LTBP1: variants seen among roughly 807,000 people sequenced by gnomAD.
LTBP1 encodes the protein latent-transforming growth factor beta-binding protein 1.
A neutral mutation model predicts 207.6 loss-of-function variants in LTBP1; 129 were observed. The observed-to-expected ratio is 0.62, with a 90% CI of 0.54 to 0.72. The LOEUF is 0.72. Among genes scored for constraint, LTBP1 ranks in the 30% least tolerant of loss-of-function variants. The pLI, the probability that LTBP1 is intolerant of heterozygous loss-of-function variation, is 0.00. For synonymous variants in LTBP1, 963 were observed against 833.7 expected, an observed-to-expected ratio of 1.16 and a Z score of -2.67; for missense variants, 2,281 against 2,217.2, an observed-to-expected ratio of 1.03 and a Z score of -0.58.
chr2:33,379,718 C>T (rs894572996), intron 31 of LTBP1, among the ~76,000 whole-genome samples: 4 of 152,208 alleles, frequency 2.6e-5, no homozygotes, highest in Admixed American at 2.6e-4. Context: ...CCATCTTTTA[C>T]TTTGCAGTGA....
At chr2:33,059,616 T>A (rs2077169878) in intron 3 of LTBP1, among the ~76,000 whole-genome samples, 2 of 152,208 alleles carry the variant, frequency 1.3e-5, no homozygotes, top group South Asian at 4.1e-4. Context: ...TTAAGAAGTC[T>A]GGGCCTGAAG....
intron 6 of LTBP1, among the ~76,000 whole-genome samples, chr2:33,187,910 C>A (rs746132255): frequency 2.0e-5 from 3 of 151,938 alleles, no homozygotes; most frequent in Admixed American, 6.6e-5. Flanking sequence ...ATGAGAAATT[C>A]AAAAATAATC....
chr2:33,314,540 C>G (rs79851018), intron 23 of LTBP1, among the ~76,000 whole-genome samples: 1 of 152,078 alleles, frequency 6.6e-6, no homozygotes, highest in Non-Finnish European at 1.5e-5. Flanking sequence ...AGAGTGAGAC[C>G]CTGTCTCTAA....
chr2:33,270,104 G>T (rs113640206), intron 15 of LTBP1, among the ~76,000 whole-genome samples: 1 of 151,598 alleles, frequency 6.6e-6, no homozygotes. Flanking sequence ...TTTTAGTAAG[G>T]ATGGGGTTTC....
intron 2 of LTBP1, among the ~76,000 whole-genome samples, chr2:32,971,036 G>C (rs868042103): frequency 1.1e-4 from 16 of 149,504 alleles, no homozygotes; most frequent in South Asian, 2.1e-4. Context: ...GTGTGTGTGT[G>C]TGTGTGTCTG....
chr2:33,236,018 A>G (rs1022645670), intron 9 of LTBP1, among the ~76,000 whole-genome samples: 1 of 152,204 alleles, frequency 6.6e-6, no homozygotes, highest in Non-Finnish European at 1.5e-5. Context: ...AGACCTGCAC[A>G]TTCTGCACGT....
Position 33,309,564 on chromosome 2 carries a change from T to C in LTBP1, c.3604+8T>C, listed in dbSNP as rs1433752136. Reference sequence around the variant, plus strand: ...ACAATAAAACATGTCAAGGTATTTCTTGCTCTTTTTTCCCCAGTCATTATT... The same window carrying C: ...ACAATAAAACATGTCAAGGTATTTCCTGCTCTTTTTTCCCCAGTCATTATT... On this transcript the variant is annotated splice_region_variant and intron_variant, in intron 23 of 33. Transcript: ENST00000404816. 6.2e-7 allele frequency: 1 copy of C among 1,602,490 alleles called. No homozygotes were observed. The highest frequency in any genetic ancestry group is 1.1e-5 in the South Asian group (1 of 87,794).
intron 5 of LTBP1, among the ~76,000 whole-genome samples, chr2:33,145,457 T>G (rs893391729): frequency 1.3e-5 from 2 of 152,148 alleles, no homozygotes; most frequent in Non-Finnish European, 2.9e-5. Context: ...GTTGTTAGAG[T>G]TTACTACAGT....
chr2:33,254,431 C>T (rs1024069000), intron 11 of LTBP1, among the ~76,000 whole-genome samples: 1 of 151,830 alleles, frequency 6.6e-6, no homozygotes, highest in African/African-American at 2.4e-5. Flanking sequence ...AGGGATACTC[C>T]TCTCTAGTAC....
intron 24 of LTBP1, among the ~76,000 whole-genome samples, chr2:33,326,851 G>A (rs2094434919): frequency 1.3e-5 from 2 of 151,782 alleles, no homozygotes; most frequent in African/African-American, 4.8e-5. Context: ...AGTAGGGAAG[G>A]GTTTCTTTCA....
chr2:33,004,414 T>A (rs971565724), intron 2 of LTBP1, among the ~76,000 whole-genome samples: 60 of 152,232 alleles, frequency 3.9e-4, no homozygotes, highest in African/African-American at 1.1e-3. Context: ...GATTTTTTTT[T>A]AAACAGCTTT....
intron 3 of LTBP1, among the ~76,000 whole-genome samples, chr2:33,059,149 C>G (rs2077148531): frequency 1.3e-5 from 2 of 152,000 alleles, no homozygotes; most frequent in African/African-American, 4.8e-5. Flanking sequence ...TTGCCTGTGC[C>G]CATAAAAAGC....
chr2:33,346,913 G>A (rs1177159184), intron 25 of LTBP1, among the ~76,000 whole-genome samples: 4 of 151,898 alleles, frequency 2.6e-5, no homozygotes, highest in East Asian at 3.9e-4. Context: ...TCAGGAGATC[G>A]AGACCATCCT....
At chr2:33,250,771 G>A (rs1156397069) in intron 10 of LTBP1, among the ~76,000 whole-genome samples, 1 of 152,062 alleles carries the variant, frequency 6.6e-6, no homozygotes, top group East Asian at 1.9e-4. Context: ...ACCACCATTG[G>A]CACCTGAGCA....
At chr2:33,275,679 C>T (rs1366876661) in intron 17 of LTBP1, 122 bp from the exon 18 acceptor site, 1 of 1,259,312 alleles carries the variant, frequency 7.9e-7, no homozygotes, top group Non-Finnish European at 1.1e-6. Flanking sequence ...AGCGAAACTC[C>T]ATCTCAAAAA....
At chr2:33,351,669 T>C (rs2094783466) in intron 26 of LTBP1, among the ~76,000 whole-genome samples, 1 of 152,200 alleles carries the variant, frequency 6.6e-6, no homozygotes. Flanking sequence ...AGTGAGCTTC[T>C]ATATGGTAAA....
At position 33,280,136 on chromosome 2, in the gene LTBP1, A is replaced by G; in HGVS notation, c.3090A>G (p.Arg1030=). 6.2e-7 allele frequency: 1 copy of G among 1,614,130 alleles called. No homozygotes were observed. The highest frequency in any genetic ancestry group is 8.5e-7 in the Non-Finnish European group (1 of 1,179,986). ...GCGTTCCCTGCACAGAAGGATTCCG[A>G]GGCTGGAATGGACAGTGCCTTGGTA... ...YQCVPCTEGF[R]GWNGQCLDVD... Residue 1030 remains arginine (R), a synonymous_variant, in exon 19 of 34, where the codon CGA becomes CGG. Transcript: ENST00000404816.
At chr2:33,266,823 C>T (rs749268762) in intron 15 of LTBP1, among the ~76,000 whole-genome samples, 2 of 152,164 alleles carry the variant, frequency 1.3e-5, no homozygotes, top group Non-Finnish European at 2.9e-5. Flanking sequence ...ATACCTCATT[C>T]TTCCTGGATG....
At chr2:33,388,411 C>A (rs1208867664) in intron 31 of LTBP1, among the ~76,000 whole-genome samples, 1 of 152,230 alleles carries the variant, frequency 6.6e-6, no homozygotes, top group Non-Finnish European at 1.5e-5. Flanking sequence ...TCGTTTCTGA[C>A]TTCAAATCAG....
Sources: allele counts gnomAD v4.1 joint callset (sites outside exome capture counted in the v4.1 genomes callset), GRCh38; gene constraint gnomAD v4.1.1; transcripts MANE v1.5; gene names NCBI Gene and HGNC (gene_info 2026-07-23, HGNC 2026-07-21).